Variants in PCDH7 observed in about 807,000 individuals in gnomAD.
The protein encoded by PCDH7 is protocadherin 7.
Under a neutral mutation model 58.9 loss-of-function variants are expected in PCDH7, and 17 were observed. That is an observed-to-expected ratio of 0.29 (90% CI 0.20 to 0.43). PCDH7 has a LOEUF of 0.43. PCDH7 is among the 20% of genes least tolerant of loss of function. The pLI is 1.00. For missense variants in PCDH7, 1,274 were observed against 1,441.0 expected (o/e 0.88, Z 1.88); for synonymous variants, 664 against 616.4 (o/e 1.08, Z -1.14).
intron 3 of PCDH7, among the ~76,000 whole-genome samples, chr4:31,015,125 C>T (rs946608736): frequency 1.3e-5 from 2 of 152,192 alleles, no homozygotes; most frequent in East Asian, 3.9e-4. Flanking sequence ...CAATGGCTGA[C>T]CCTCCAGACT....
At chr4:31,035,377 C>T (rs898127539) in intron 3 of PCDH7, among the ~76,000 whole-genome samples, 8 of 151,472 alleles carry the variant, frequency 5.3e-5, no homozygotes, top group Non-Finnish European at 1.0e-4. Flanking sequence ...CCTCAGCCTC[C>T]TGAGTAGCTA....
intron 1 of PCDH7, among the ~76,000 whole-genome samples, chr4:30,835,561 A>G (rs1196666661): frequency 6.6e-6 from 1 of 152,176 alleles, no homozygotes; most frequent in Non-Finnish European, 1.5e-5. Context: ...TGCTGAGCTG[A>G]GAGATCCAAT....
At chr4:31,091,781 T>C (rs1328072234) in intron 3 of PCDH7, among the ~76,000 whole-genome samples, 1 of 152,020 alleles carries the variant, frequency 6.6e-6, no homozygotes, top group African/African-American at 2.4e-5. Flanking sequence ...TTGACATTTG[T>C]GAATAAAGTT....
intron 3 of PCDH7, among the ~76,000 whole-genome samples, chr4:31,082,910 C>G (rs894097822): frequency 2.0e-5 from 3 of 152,096 alleles, no homozygotes; most frequent in African/African-American, 7.2e-5. Context: ...AGATCGAGAC[C>G]ATCCTGGCTA....
chr4:30,984,971 T>C (rs1750850581), intron 3 of PCDH7, among the ~76,000 whole-genome samples: 1 of 151,984 alleles, frequency 6.6e-6, no homozygotes, highest in Admixed American at 6.6e-5. Context: ...ATCTTTTTGT[T>C]GTTGTTGTTG....
chr4:31,079,328 A>C (rs1157963368), intron 3 of PCDH7, among the ~76,000 whole-genome samples: 5 of 50,946 alleles, frequency 9.8e-5, no homozygotes, highest in South Asian at 1.1e-3. Context: ...ATATATATAT[A>C]TATATATATA....
chr4:31,028,324 A>G (rs1483859996), intron 3 of PCDH7, among the ~76,000 whole-genome samples: 1 of 152,124 alleles, frequency 6.6e-6, no homozygotes, highest in Non-Finnish European at 1.5e-5. Context: ...CTCAAGCTTA[A>G]TTATTTAAAT....
chr4:31,098,801 C>G (rs1038407357), intron 3 of PCDH7, among the ~76,000 whole-genome samples: 1 of 152,108 alleles, frequency 6.6e-6, no homozygotes, highest in Admixed American at 6.6e-5. Flanking sequence ...AACACAATAC[C>G]ACAGACTGGG....
intron 1 of PCDH7, among the ~76,000 whole-genome samples, chr4:30,868,348 G>A (rs10014165): frequency 0.036 from 5,521 of 152,082 alleles, 330 homozygotes; most frequent in African/African-American, 0.13. Flanking sequence ...TGAAATTCAA[G>A]TGGTATGTCA....
chr4:31,085,831 A>G (rs932617645), intron 3 of PCDH7, among the ~76,000 whole-genome samples: 1 of 146,816 alleles, frequency 6.8e-6, no homozygotes, highest in Non-Finnish European at 1.5e-5. Context: ...TACACATCAG[A>G]CTCTTTTCTC....
At chr4:30,776,288 T>G (rs1246895389) in intron 1 of PCDH7, 1 of 152,250 alleles carries the variant, frequency 6.6e-6, no homozygotes, top group Non-Finnish European at 1.5e-5. Context: ...CAAGTTCCCA[T>G]TCTTGAATAA....
intron 1 of PCDH7, among the ~76,000 whole-genome samples, chr4:30,913,168 T>A (rs1742004423): frequency 6.6e-6 from 1 of 151,704 alleles, no homozygotes; most frequent in Non-Finnish European, 1.5e-5. Flanking sequence ...CAGAATACAT[T>A]AATAATATAA....
intron 3 of PCDH7, among the ~76,000 whole-genome samples, chr4:31,061,147 G>C (rs1757660593): frequency 6.6e-6 from 1 of 151,690 alleles, no homozygotes; most frequent in African/African-American, 2.4e-5. Context: ...TCTAGAACAT[G>C]TGTAGTTTAC....
chr4:30,864,150 C>G (rs1734566974), intron 1 of PCDH7, among the ~76,000 whole-genome samples: 1 of 151,760 alleles, frequency 6.6e-6, no homozygotes, highest in Admixed American at 6.6e-5. Flanking sequence ...ATTGTATGAC[C>G]TTTTCATTCA....
intron 1 of PCDH7, among the ~76,000 whole-genome samples, chr4:30,796,638 A>G (rs938446843): frequency 2.6e-5 from 4 of 152,170 alleles, no homozygotes; most frequent in Non-Finnish European, 4.4e-5. Context: ...AGAACAATTT[A>G]CTTCTTGTTT....
chr4:30,944,314 T>C (rs1578374050), intron 2 of PCDH7, among the ~76,000 whole-genome samples: 1 of 152,216 alleles, frequency 6.6e-6, no homozygotes, highest in Admixed American at 6.6e-5. Context: ...ATAGTAATTT[T>C]CTATTAAAAT....
At chr4:31,041,376 A>G (rs1755842912) in intron 3 of PCDH7, among the ~76,000 whole-genome samples, 1 of 151,978 alleles carries the variant, frequency 6.6e-6, no homozygotes, top group African/African-American at 2.4e-5. Flanking sequence ...ATTTTTATTC[A>G]CCTTGCTTTC....
chr4:31,004,968 C>A (rs991123600), intron 3 of PCDH7, among the ~76,000 whole-genome samples: 1 of 152,000 alleles, frequency 6.6e-6, no homozygotes, highest in Non-Finnish European at 1.5e-5. Context: ...ACGAAAAAAA[C>A]AAAATAAAGC....
At chr4:31,060,239 T>C (rs895614552) in intron 3 of PCDH7, among the ~76,000 whole-genome samples, 1 of 151,820 alleles carries the variant, frequency 6.6e-6, no homozygotes, top group Admixed American at 6.6e-5. Context: ...TGAAAGTAGA[T>C]ATCTTTGTAT....
Sources: gnomAD v4.1 joint callset for allele counts (sites outside exome capture counted in the v4.1 genomes callset) on GRCh38, gnomAD v4.1.1 for gene constraint, MANE v1.5 for transcripts, NCBI Gene and HGNC (gene_info 2026-07-23, HGNC 2026-07-21) for gene names.